Variants in ZNF638 observed in about 807,000 individuals in gnomAD.
ZNF638 encodes the protein zinc finger protein 638.
A neutral mutation model predicts 195.6 loss-of-function variants in ZNF638; 46 were observed. The ratio of observed to expected loss-of-function variants is 0.24; its 90% confidence interval spans 0.19 to 0.30. The LOEUF is 0.30. Among genes scored for constraint, ZNF638 ranks in the 10% least tolerant of loss-of-function variants. The pLI is 1.00. For missense variants in ZNF638, 2,440 were observed against 2,325.3 expected (o/e 1.05, Z -1.01); for synonymous variants, 845 against 772.0 (o/e 1.09, Z -1.57).
At position 71,407,881 on chromosome 2, in the gene ZNF638, T is replaced by A. The variant is rs1335616847; in HGVS notation, c.3136-241T>A. On this transcript the variant is annotated intron_variant, in intron 19 of 27. Coordinates refer to ENST00000264447, the MANE Select transcript of ZNF638 (RefSeq NM_014497.5). Reference sequence around the variant, plus strand: ...TTCATTTTTAAAGCTGAGTAATAATTCTGTTTTACGCATGTAACACATTTT... The same window carrying A: ...TTCATTTTTAAAGCTGAGTAATAATACTGTTTTACGCATGTAACACATTTT... 4 of 335,690 alleles carry A rather than the reference T, an allele frequency of 1.2e-5. No homozygotes were observed. In the South Asian group the frequency reaches 2.7e-4, roughly 23 times the overall value. 20.8% of individuals were successfully genotyped at this position (335,690 alleles called of 1,614,324 possible).
At chr2:71,392,003 C>T (rs2079790453) in intron 10 of ZNF638, among the ~76,000 whole-genome samples, 1 of 152,188 alleles carries the variant, frequency 6.6e-6, no homozygotes, top group African/African-American at 2.4e-5. Context: ...TGCTCACATA[C>T]TGGGACTAAA....
At chr2:71,387,221 A>G (rs532870298) in intron 10 of ZNF638, among the ~76,000 whole-genome samples, 5 of 152,322 alleles carry the variant, frequency 3.3e-5, no homozygotes, top group African/African-American at 1.2e-4. Flanking sequence ...GTAGTTTCAT[A>G]TAGTTACATA....
rs972845718 is a variant in ZNF638 at position 71,434,858 on chromosome 2, T to C, written c.*51T>C. 4.1e-6 allele frequency: 6 copies of C among 1,446,384 alleles called. No individual in the cohort carries two copies. The African/African-American group carries it at 7.2e-5, about 17-fold the overall frequency. The allele number at this position is 1,446,384 out of a possible 1,614,324, so 89.6% of individuals were successfully genotyped here. A position where few individuals can be genotyped will look rare whatever the true frequency, so the allele number is the denominator to read the frequency against. On this transcript the variant is annotated 3_prime_UTR_variant, in exon 28 of 28. Transcript: ENST00000264447. ...GAAATTTGTTTAGGGTCCAGTTGAT[T>C]TGTGTATTTTTGTTATCATTTAATT...
rs2080056421 is a variant in ZNF638 at position 71,404,045 on chromosome 2, C to T, written c.2958+47C>T. The T allele has an allele frequency of 3.2e-6, 5 of 1,562,478 alleles. No homozygotes were observed. In the East Asian group the frequency reaches 1.1e-4, roughly 36 times the overall value. On this transcript the variant is annotated intron_variant, in intron 17 of 27. Coordinates refer to ENST00000264447, the MANE Select transcript of ZNF638 (RefSeq NM_014497.5). ...ACTAGCTCTTACTAAGTTTTTAAAT[C>T]AGATTTGTTACAGTCTGTTATGTTT...
intron 10 of ZNF638, among the ~76,000 whole-genome samples, chr2:71,390,381 G>A (rs1361409115): frequency 6.6e-6 from 1 of 152,184 alleles, no homozygotes; most frequent in African/African-American, 2.4e-5. Flanking sequence ...ATTGCAACAG[G>A]GATCTGGGGC....
intron 21 of ZNF638, among the ~76,000 whole-genome samples, chr2:71,421,113 T>C (rs1392225532): frequency 6.6e-6 from 1 of 152,104 alleles, no homozygotes; most frequent in Non-Finnish European, 1.5e-5. Context: ...GTTTCTAAAG[T>C]TTTATGTAGG....
chr2:71,364,050 C>T lies in ZNF638; in HGVS notation c.1515C>T (p.Phe505=), dbSNP rs772373230. Residue 505 remains phenylalanine, a synonymous_variant, in exon 5 of 28, where the codon TTC becomes TTT. Coordinates refer to ENST00000264447, the MANE Select transcript of ZNF638 (RefSeq NM_014497.5). ...RSRRSSSSHR[F]RRSRSPMHYM... Reference sequence around the variant, plus strand: ...GAAGATCAAGCTCAAGTCACAGATTCCGTCGGTCTCGAAGCCCAATGCATT... The same window carrying T: ...GAAGATCAAGCTCAAGTCACAGATTTCGTCGGTCTCGAAGCCCAATGCATT... 1.9e-6 allele frequency: 3 copies of T among 1,614,086 alleles called. No homozygotes were observed. Among genetic ancestry groups the T allele is most frequent in the Non-Finnish European group, 2.5e-6 (3 of 1,180,044 alleles).
At position 71,433,177 on chromosome 2, in the gene ZNF638, T is replaced by TA; in HGVS notation, c.5765_5766insA (p.Val1923CysfsTer3). On this transcript the variant is annotated frameshift_variant, in exon 27 of 28. Transcript: ENST00000264447. LOFTEE classifies it high-confidence loss of function. The stretch of plus-strand genomic sequence containing the variant: ...TCTTATCCTCTAGAATTAGACTTTC[T>TA]TGTACCTAAGGCTGGATTCTTCTGT... 6.2e-7 allele frequency: 1 copy of TA among 1,611,098 alleles called. No individual in the cohort carries two copies. The highest frequency in any genetic ancestry group is 8.5e-7 in the Non-Finnish European group (1 of 1,177,282).
intron 3 of ZNF638, among the ~76,000 whole-genome samples, chr2:71,362,351 C>G (rs1201780446): frequency 1.3e-5 from 2 of 152,186 alleles, no homozygotes; most frequent in African/African-American, 4.8e-5. Context: ...TCTCAGCTCT[C>G]ATCTTTTCCC....
intron 1 of ZNF638, among the ~76,000 whole-genome samples, chr2:71,342,745 A>C (rs2078783514): frequency 6.6e-6 from 1 of 152,156 alleles, no homozygotes; most frequent in African/African-American, 2.4e-5. Context: ...AGAGGATTGA[A>C]AAAGCCACTA....
intron 5 of ZNF638, among the ~76,000 whole-genome samples, chr2:71,364,823 G>A (rs535201083): frequency 6.6e-6 from 1 of 152,126 alleles, no homozygotes. Context: ...TTAAAGTATG[G>A]CCCAAGGATC....
At chr2:71,411,509 T>C (rs2080226761) in intron 20 of ZNF638, among the ~76,000 whole-genome samples, 1 of 128,566 alleles carries the variant, frequency 7.8e-6, no homozygotes, top group East Asian at 2.5e-4. Flanking sequence ...AGTTTTAGGG[T>C]ACATGTGCAC....
chr2:71,416,912 A>C (rs1173915148), intron 20 of ZNF638, among the ~76,000 whole-genome samples: 3 of 151,358 alleles, frequency 2.0e-5, no homozygotes, highest in Non-Finnish European at 4.4e-5. Context: ...AAGTCTGCAG[A>C]GGTTACTGTG....
chr2:71,366,033 C>T (rs1439364710), intron 6 of ZNF638, among the ~76,000 whole-genome samples: 1 of 152,148 alleles, frequency 6.6e-6, no homozygotes, highest in East Asian at 1.9e-4. Flanking sequence ...TGCAAATATG[C>T]GTACATTTGC....
At chr2:71,433,408 A>C in intron 27 of ZNF638, 125 bp downstream of exon 27, 1 of 688,498 alleles carries the variant, frequency 1.5e-6, no homozygotes, top group Admixed American at 2.7e-5. Flanking sequence ...TATTCCTCTT[A>C]AGTCCTGTTT....
rs145584166 is a variant in ZNF638, at chr2:71,388,805, C to T, written c.2378-7336C>T. On this transcript the variant is annotated intron_variant, in intron 10 of 27. Coordinates refer to ENST00000264447, the MANE Select transcript of ZNF638 (RefSeq NM_014497.5). ...GTTTCATCATGAGACAACAGCTGTCCGCACAACAGAAACAGTATATAAAAG... is the reference window on the plus strand; with the variant it reads ...GTTTCATCATGAGACAACAGCTGTCTGCACAACAGAAACAGTATATAAAAG... The T allele has an allele frequency of 2.0e-3, 1,525 of 776,324 alleles. 3 individuals are homozygous for T. The highest frequency in any genetic ancestry group is 5.1e-3 in the Middle Eastern group (15 of 2,966). 48.1% of individuals were successfully genotyped at this position (776,324 alleles called of 1,614,324 possible). A position where few individuals can be genotyped will look rare whatever the true frequency, so the allele number is the denominator to read the frequency against.
Position 71,365,702 on chromosome 2 carries a change from G to A in ZNF638, c.1991G>A (p.Arg664Gln), listed in dbSNP as rs151263818. ...TCTGATAAAGCTGTTTCTCTCCAGC[G>A]AAAGGTAATTCTTTAATTAATAATT... ...QVSDKAVSLQ[R>Q]KLRKEQSLHY... The change falls in exon 6 of 28, where the codon CGA becomes CAA. Residue 664 changes from arginine (R) to glutamine (Q), a missense_variant. Arg to Gln is a conservative substitution (Grantham distance 43, BLOSUM62 1). Transcript: ENST00000264447. The A allele has an allele frequency of 1.4e-5, 22 of 1,605,996 alleles. No homozygotes were observed. The highest frequency in any genetic ancestry group is 8.5e-5 in the Admixed American group (5 of 58,770).
chr2:71,396,720 G>C (rs1021177427), intron 11 of ZNF638, among the ~76,000 whole-genome samples: 1 of 152,146 alleles, frequency 6.6e-6, no homozygotes, highest in Non-Finnish European at 1.5e-5. Context: ...CGAAGAGGGT[G>C]GATCACCTGA....
chr2:71,409,567 T>A (rs1267235807), intron 20 of ZNF638, among the ~76,000 whole-genome samples: 2 of 152,004 alleles, frequency 1.3e-5, no homozygotes, highest in Non-Finnish European at 2.9e-5. Flanking sequence ...CACAGGTGAG[T>A]TTCTTATATT....
Sources: allele counts gnomAD v4.1 joint callset (sites outside exome capture counted in the v4.1 genomes callset), GRCh38; gene constraint gnomAD v4.1.1; transcripts MANE v1.5; gene names NCBI Gene and HGNC (gene_info 2026-07-23, HGNC 2026-07-21).